The following EYS variants were observed in gnomAD, a reference collection of about 807,000 sequenced individuals.
The protein encoded by EYS is EGF-like photoreceptor maintenance factor.
Under a neutral mutation model 282.1 loss-of-function variants are expected in EYS, and 250 were observed. The ratio of observed to expected loss-of-function variants is 0.89; its 90% CI spans 0.80 to 0.98. The LOEUF (loss-of-function observed/expected upper bound fraction) is 0.98. Among genes scored for constraint, EYS ranks in the 50% least tolerant of loss-of-function variants. The pLI is 0.00. For synonymous variants in EYS, 1,355 were observed against 1,282.9 expected (o/e 1.06, Z -1.20); for missense variants, 4,016 against 3,709.0 (o/e 1.08, Z -2.15).
intron 28 of EYS, among the ~76,000 whole-genome samples, chr6:64,434,765 T>A (rs545358684): frequency 3.3e-5 from 5 of 152,132 alleles, no homozygotes; most frequent in African/African-American, 1.2e-4. Context: ...CATTCATATA[T>A]GTAATACAAT....
chr6:64,874,801 C>T (rs1269322304), intron 19 of EYS, among the ~76,000 whole-genome samples: 1 of 151,986 alleles, frequency 6.6e-6, no homozygotes, highest in Non-Finnish European at 1.5e-5. Context: ...TGAAGGGTGT[C>T]TTAGGAGCAC....
At chr6:64,630,367 G>T (rs1356205493) in intron 22 of EYS, among the ~76,000 whole-genome samples, 3 of 152,146 alleles carry the variant, frequency 2.0e-5, no homozygotes, top group African/African-American at 7.2e-5. Context: ...AAAGTGCTGG[G>T]ATTACAGGCA....
intron 15 of EYS, among the ~76,000 whole-genome samples, chr6:64,928,720 TTA>T (rs201558476): frequency 0.01 from 1,532 of 152,118 alleles, 14 homozygotes; most frequent in African/African-American, 0.035. Context: ...CCATTTTTTT[TTA>T]ATTTTAGTTT....
intron 13 of EYS, 116 bp from the exon 14 acceptor site, chr6:64,997,819 T>G: frequency 1.2e-6 from 1 of 835,006 alleles, no homozygotes. Flanking sequence ...CCAAATAAAG[T>G]AAGAATTATT....
chr6:64,305,641 T>C (rs1349564834), intron 30 of EYS, among the ~76,000 whole-genome samples: 2 of 152,208 alleles, frequency 1.3e-5, no homozygotes, highest in Non-Finnish European at 2.9e-5. Flanking sequence ...AATGGTCTGG[T>C]CTTGTGAACA....
In EYS at chr6:64,846,459, T is replaced by A. The variant is rs181499464; in HGVS notation, c.2993-23637A>T. Among the ~76,000 whole-genome samples the A allele has an allele frequency of 5.3e-3, 813 of 152,126 alleles. 4 individuals carry two copies. The highest frequency in any genetic ancestry group is 0.027 in the Middle Eastern group (8 of 294). On this transcript the variant is annotated intron_variant, in intron 19 of 42. Transcript: ENST00000503581. ...GTAGCTTTTGGTTAGATAATTTGAG[T>A]TTAGAAAGAGGGGTGGAGAAAAACA...
At chr6:64,685,084 A>C (rs920973759) in intron 22 of EYS, among the ~76,000 whole-genome samples, 3 of 152,144 alleles carry the variant, frequency 2.0e-5, no homozygotes, top group African/African-American at 7.2e-5. Flanking sequence ...GATGAAAAGC[A>C]GTATGTTGTG....
At chr6:63,779,722 T>C (rs1437779981) in intron 39 of EYS, among the ~76,000 whole-genome samples, 1 of 151,486 alleles carries the variant, frequency 6.6e-6, no homozygotes, top group Non-Finnish European at 1.5e-5. Flanking sequence ...AACTTTTTTT[T>C]GGAGGCATAA....
Position 64,886,699 on chromosome 6 carries a change from G to C in EYS, c.2990C>G (p.Thr997Arg), listed in dbSNP as rs1241483117. Residue 997 changes from threonine to arginine, a missense_variant and splice_region_variant, in exon 19 of 43, where the codon ACA becomes AGA. Thr to Arg is a moderately conservative substitution (Grantham distance 71, BLOSUM62 -1). Coordinates refer to ENST00000503581, the MANE Select transcript of EYS (RefSeq NM_001142800.2). The stretch of plus-strand genomic sequence containing the variant: ...ACATGGGACAGATATGGATTTACCT[G>C]TATAACCAGGGGCACAGAGGCAGTT... ...GYNCLCAPGY[T>R]GINCEINLDE... The C allele has an allele frequency of 5.8e-6, 9 of 1,543,984 alleles. No individual in the cohort carries two copies. In the African/African-American group the frequency reaches 1.2e-4, roughly 21 times the overall value.
At chr6:64,857,592 T>C (rs1303537486) in intron 19 of EYS, among the ~76,000 whole-genome samples, 2 of 152,190 alleles carry the variant, frequency 1.3e-5, no homozygotes, top group African/African-American at 4.8e-5. Context: ...ACTTTTAACA[T>C]ATTGATTTCC....
At chr6:64,428,249 T>C (rs527906641) in intron 28 of EYS, among the ~76,000 whole-genome samples, 25 of 152,264 alleles carry the variant, frequency 1.6e-4, no homozygotes, top group Non-Finnish European at 3.1e-4. Context: ...CCTTGTTTTA[T>C]TTTTTAGCAA....
chr6:64,993,733 A>G (rs7771611), intron 14 of EYS, among the ~76,000 whole-genome samples: 40,990 of 151,376 alleles, frequency 0.27, 6,949 homozygotes, highest in African/African-American at 0.47. Flanking sequence ...TAATTAAAAA[A>G]AAACCAAAAT....
intron 13 of EYS, among the ~76,000 whole-genome samples, chr6:65,038,459 C>T (rs187204549): frequency 6.6e-6 from 1 of 151,516 alleles, no homozygotes; most frequent in Admixed American, 6.6e-5. Context: ...ATACATATCA[C>T]TAGGTCCTTA....
In EYS at chr6:64,614,785, T is replaced by C. The variant is rs1331087540; in HGVS notation, c.3684+2633A>G. Among the ~76,000 whole-genome samples the C allele has an allele frequency of 2.0e-5, 3 of 152,062 alleles. No individual in the cohort carries two copies. The East Asian group carries it at 5.8e-4, about 29-fold the overall frequency. On this transcript the variant is annotated intron_variant, in intron 24 of 42. Transcript: ENST00000503581. ...AGCGTTGAATAGATCATGTAACTTATTGAATGCTGTGCTAAAAGTAAAAAG... is the reference window on the plus strand; with the variant it reads ...AGCGTTGAATAGATCATGTAACTTACTGAATGCTGTGCTAAAAGTAAAAAG...
intron 11 of EYS, among the ~76,000 whole-genome samples, chr6:65,317,809 CCTTCCTTCCTTCCTTCCTTTCTTTCTTT>C (rs1428292632): frequency 4.5e-5 from 2 of 44,940 alleles, no homozygotes; most frequent in African/African-American, 2.2e-4. Context: ...TTCCTTCCTT[CCTTCCTTCCTTCCTTCCTTTCTTTCTTT>C]CTTTCTTTCT....
chr6:64,676,993 C>T (rs950207126), intron 22 of EYS, among the ~76,000 whole-genome samples: 3 of 152,100 alleles, frequency 2.0e-5, no homozygotes, highest in Non-Finnish European at 4.4e-5. Context: ...AGTGCAAATG[C>T]ATGCTTTTTG....
At position 64,230,606 on chromosome 6, in the gene EYS, C is replaced by T. The variant is rs369090261; in HGVS notation, c.6410G>A (p.Arg2137His). The T allele has an allele frequency of 5.0e-5, 77 of 1,544,992 alleles. No homozygotes were observed. In the East Asian group the frequency reaches 5.6e-4, roughly 11 times the overall value. Residue 2137 changes from arginine to histidine, a missense_variant, in exon 31 of 43, where the codon CGC (arginine) becomes CAC (histidine). Transcript: ENST00000503581. ...AGATTGATTACCTTTTTCACAGAAG[C>T]GGCCAGTGAAATGTAGTGGACAGTC... ...QCDCPLHFTG[R>H]FCEKDAGLFF...
At chr6:64,870,095 G>A (rs1218463845) in intron 19 of EYS, among the ~76,000 whole-genome samples, 1 of 151,658 alleles carries the variant, frequency 6.6e-6, no homozygotes, top group Non-Finnish European at 1.5e-5. Context: ...TAGTTTCCAT[G>A]TTGTTTTCTT....
At chr6:64,308,811 A>G (rs1344646851) in intron 29 of EYS, among the ~76,000 whole-genome samples, 1 of 152,104 alleles carries the variant, frequency 6.6e-6, no homozygotes, top group Non-Finnish European at 1.5e-5. Context: ...TGACTGAACT[A>G]GAAAATAAAA....
Sources: gnomAD v4.1 joint callset for allele counts (sites outside exome capture counted in the v4.1 genomes callset) on GRCh38, gnomAD v4.1.1 for gene constraint, MANE v1.5 for transcripts, NCBI Gene and HGNC (gene_info 2026-07-23, HGNC 2026-07-21) for gene names.